Variants in KIF1A observed in about 807,000 individuals in gnomAD.
The protein encoded by KIF1A is kinesin family member 1A.
Under a neutral mutation model 227.3 loss-of-function variants are expected in KIF1A, and 46 were observed. The observed-to-expected ratio is 0.20, with a 90% CI of 0.16 to 0.26. The LOEUF is 0.26. KIF1A is among the 10% of genes least tolerant of loss of function. KIF1A has a pLI of 1.00. For missense variants in KIF1A, 1,683 were observed against 2,485.9 expected (o/e 0.68, Z 6.87); for synonymous variants, 1,022 against 1,012.8 (o/e 1.01, Z -0.17).
intron 10 of KIF1A, among the ~76,000 whole-genome samples, chr2:240,779,421 G>A (rs2053269835): frequency 2.1e-5 from 3 of 141,180 alleles, no homozygotes; most frequent in African/African-American, 8.4e-5. Flanking sequence ...TCCACACTCA[G>A]GTCCTCACTC....
Position 240,744,018 on chromosome 2 carries a change from T to C in KIF1A, c.3508A>G (p.Ser1170Gly). 2 of 1,613,790 alleles carry C rather than the reference T, an allele frequency of 1.2e-6. No individual in the cohort carries two copies. The highest frequency in any genetic ancestry group is 1.7e-6 in the Non-Finnish European group (2 of 1,179,776). Residue 1170 changes from serine (S) to glycine (G), a missense_variant, in exon 33 of 49, where the codon AGC becomes GGC. Physicochemically the swap from Ser to Gly is moderately conservative, Grantham distance 56 (BLOSUM62 0). This residue lies in a region of KIF1A where 759 missense variants were observed against 1,020.2 expected (regional missense o/e 0.74). Coordinates refer to ENST00000498729, the MANE Select transcript of KIF1A (RefSeq NM_001244008.2). ...AAGACCTCGAAAACAATGGGCTGGCTCTTGATGTACTCAATGAAGGACTTG... is the reference window on the plus strand; with the variant it reads ...AAGACCTCGAAAACAATGGGCTGGCCCTTGATGTACTCAATGAAGGACTTG... The part of the protein sequence containing the change: ...VTKSFIEYIK[S>G]QPIVFEVFGH...
intron 28 of KIF1A, among the ~76,000 whole-genome samples, chr2:240,748,446 C>T (rs542576764): frequency 6.6e-6 from 1 of 152,308 alleles, no homozygotes; most frequent in Non-Finnish European, 1.5e-5. Context: ...GCCTCTGGTG[C>T]AGCCCCACTC....
At chr2:240,776,293 C>G (rs1325824402) in intron 10 of KIF1A, among the ~76,000 whole-genome samples, 1 of 152,242 alleles carries the variant, frequency 6.6e-6, no homozygotes, top group Non-Finnish European at 1.5e-5. Context: ...CATGGCCCCT[C>G]CTCGAACACC....
chr2:240,735,057 G>A (rs2047168697), intron 38 of KIF1A, among the ~76,000 whole-genome samples: 1 of 152,200 alleles, frequency 6.6e-6, no homozygotes, highest in Non-Finnish European at 1.5e-5. Context: ...AGGCCCACTG[G>A]CCTGGTCAGC....
At chr2:240,735,216 G>T (rs891562637) in intron 38 of KIF1A, among the ~76,000 whole-genome samples, 3 of 152,316 alleles carry the variant, frequency 2.0e-5, no homozygotes, top group African/African-American at 7.2e-5. Context: ...CCCACGCAAC[G>T]CGCCTTCCTC....
intron 8 of KIF1A, 30 bp downstream of exon 8, chr2:240,783,709 C>T (rs368098387): frequency 2.8e-5 from 43 of 1,534,762 alleles, no homozygotes; most frequent in African/African-American, 2.2e-4. Context: ...AATGTGGACA[C>T]GGGTCCCCGC....
chr2:240,764,796 G>A (rs967600029), intron 20 of KIF1A, among the ~76,000 whole-genome samples: 2 of 152,082 alleles, frequency 1.3e-5, no homozygotes, highest in Non-Finnish European at 2.9e-5. Flanking sequence ...ACGGTGGGGT[G>A]GGCCTCATCC....
chr2:240,756,200 G>C (rs556549984), intron 27 of KIF1A, among the ~76,000 whole-genome samples: 1 of 152,258 alleles, frequency 6.6e-6, no homozygotes, highest in East Asian at 1.9e-4. Flanking sequence ...TGTCAGCACT[G>C]CTGCTCCAAG....
At chr2:240,782,686 C>T in intron 9 of KIF1A, 79 bp from the exon 10 acceptor site, 2 of 1,440,280 alleles carry the variant, frequency 1.4e-6, no homozygotes, top group South Asian at 1.2e-5. Context: ...AGCAGGCGGC[C>T]CGGCTGCCTC....
chr2:240,761,950 G>C (rs927188098), intron 23 of KIF1A, among the ~76,000 whole-genome samples: 5 of 152,170 alleles, frequency 3.3e-5, no homozygotes, highest in Non-Finnish European at 1.5e-5. Context: ...CCCATGCCCT[G>C]TCTGTCCACT....
rs376581099 is a variant in KIF1A at position 240,719,869 on chromosome 2, G to C, written c.4926C>G (p.Ala1642=). Residue 1642 remains alanine, a synonymous_variant, in exon 46 of 49, where the codon GCC becomes GCG. Transcript: ENST00000498729. ...ASPEPELLPE[A]DSKKLPSPAR... ...CAGGGGAAGGGAGCTTCTTGGAGTCGGCCTCTGGCAGCAGCTCGGGCTCTG... is the reference window on the plus strand; with the variant it reads ...CAGGGGAAGGGAGCTTCTTGGAGTCCGCCTCTGGCAGCAGCTCGGGCTCTG... 28 of 1,612,008 alleles carry C rather than the reference G, an allele frequency of 1.7e-5. No homozygotes were observed. Among genetic ancestry groups the C allele is most frequent in the South Asian group, 1.5e-4 (14 of 90,996 alleles).
At chr2:240,760,368 G>A (rs1377437894) in intron 25 of KIF1A, among the ~76,000 whole-genome samples, 4 of 152,352 alleles carry the variant, frequency 2.6e-5, no homozygotes, top group Admixed American at 2.0e-4. Context: ...CCCCTCCACT[G>A]CACCGTCCTG....
intron 25 of KIF1A, among the ~76,000 whole-genome samples, chr2:240,760,402 TC>T (rs1483419505): frequency 6.6e-6 from 1 of 152,268 alleles, no homozygotes; most frequent in Non-Finnish European, 1.5e-5. Flanking sequence ...TAGGGAGCAT[TC>T]CCCTCATCTG....
intron 38 of KIF1A, among the ~76,000 whole-genome samples, chr2:240,735,671 C>T (rs933682556): frequency 1.3e-5 from 2 of 152,180 alleles, no homozygotes; most frequent in African/African-American, 2.4e-5. Flanking sequence ...CAGCAGCCCA[C>T]ACTCTGCAGG....
intron 2 of KIF1A, among the ~76,000 whole-genome samples, chr2:240,796,088 C>T (rs1325508848): frequency 6.6e-6 from 1 of 152,168 alleles, no homozygotes; most frequent in African/African-American, 2.4e-5. Flanking sequence ...CCTGTTGGAG[C>T]GTGGAACAGG....
At position 240,757,387 on chromosome 2, in the gene KIF1A, C is replaced by T. The variant is rs928176653; in HGVS notation, c.2790G>A (p.Pro930=). Residue 930 remains proline, a synonymous_variant, in exon 27 of 49, where the codon CCG becomes CCA. Coordinates refer to ENST00000498729, the MANE Select transcript of KIF1A (RefSeq NM_001244008.2). The surrounding 1 kb of genome is among the most constrained non-coding windows in gnomAD (Gnocchi z 6.2). The part of the protein sequence containing the change: ...EEEDLEDDVF[P]EHALCDGRDP... ...CCCGGCCGTCGCACAGCGCGTGCTC[C>T]GGAAAGACGTCGTCCTCCAGGTCCT... 16 of 1,550,250 alleles carry T rather than the reference C, an allele frequency of 1.0e-5. No homozygotes were observed. Among genetic ancestry groups the T allele is most frequent in the Admixed American group, 7.8e-5 (4 of 50,972 alleles).
rs966347128 is a variant in KIF1A, at chr2:240,726,102, A to G, written c.4123-698T>C. ...ACTATGACCAGCAAGAAACGCCCAC[A>G]CTTCCAGTCACCTCTTGCACTTGGA... is the stretch of plus-strand genomic sequence containing the variant. On this transcript the variant is annotated intron_variant, in intron 39 of 48. Transcript: ENST00000498729. The surrounding 1 kb of genome is among the most constrained non-coding windows in gnomAD (Gnocchi z 5.2). 1 of 152,070 alleles carries G rather than the reference A, an allele frequency of 6.6e-6. No homozygotes were observed. The highest frequency in any genetic ancestry group is 1.5e-5 in the Non-Finnish European group (1 of 68,078). 9.4% of individuals were successfully genotyped at this position (152,070 alleles called of 1,614,324 possible).
Position 240,752,764 on chromosome 2 carries a change from C to T in KIF1A, c.2859-2217G>A, listed in dbSNP as rs1030982534. On this transcript the variant is annotated intron_variant, in intron 27 of 48. Coordinates refer to ENST00000498729, the MANE Select transcript of KIF1A (RefSeq NM_001244008.2). The surrounding 1 kb of genome is among the most constrained non-coding windows in gnomAD (Gnocchi z 6.4). ...ATCCCAGGGTTGGAGGGCAGAAGGG[C>T]ACTGAGGATGAAGAGACTGCCCCCA... 1.3e-5 allele frequency among the ~76,000 whole-genome samples: 2 copies of T among 152,008 alleles called. No homozygotes were observed. The highest frequency in any genetic ancestry group is 1.3e-4 in the Admixed American group (2 of 15,280).
intron 1 of KIF1A, among the ~76,000 whole-genome samples, chr2:240,812,773 T>A (rs2126239607): frequency 1.5e-5 from 2 of 131,872 alleles, no homozygotes; most frequent in African/African-American, 5.9e-5. Context: ...CACCTTGGGA[T>A]CTGCCTTCAC....
Sources: allele counts gnomAD v4.1 joint callset (sites outside exome capture counted in the v4.1 genomes callset), GRCh38; gene constraint gnomAD v4.1.1; regional missense constraint gnomAD v4.1.1; non-coding constraint Gnocchi (gnomAD v3.1); transcripts MANE v1.5; gene names NCBI Gene and HGNC (gene_info 2026-07-23, HGNC 2026-07-21).